The following TBC1D14 variants were observed in gnomAD, a reference collection of about 807,000 sequenced individuals.
TBC1D14 encodes TBC1 domain family, member 14.
Under a neutral mutation model 79.0 loss-of-function variants are expected in TBC1D14, and 26 were observed. The ratio of observed to expected loss-of-function variants is 0.33; its 90% CI spans 0.24 to 0.46. The LOEUF (loss-of-function observed/expected upper bound fraction) is 0.46. Among genes scored for constraint, TBC1D14 ranks in the 20% least tolerant of loss-of-function variants. The pLI is 1.00. For synonymous variants in TBC1D14, 394 were observed against 349.9 expected, an observed-to-expected ratio of 1.13 and a Z score of -1.40; for missense variants, 769 against 887.6, an observed-to-expected ratio of 0.87 and a Z score of 1.70.
At chr4:6,945,926 G>A (rs2108989231) in intron 2 of TBC1D14, among the ~76,000 whole-genome samples, 1 of 152,268 alleles carries the variant, frequency 6.6e-6, no homozygotes. Context: ...TCCCCTCAGA[G>A]ATTGATTTTC....
At chr4:6,911,063 T>C (rs1482688719) in intron 1 of TBC1D14, among the ~76,000 whole-genome samples, 1 of 152,208 alleles carries the variant, frequency 6.6e-6, no homozygotes, top group Non-Finnish European at 1.5e-5. Context: ...TTGCTTTGTC[T>C]GGACCGGGCT....
intron 10 of TBC1D14, 131 bp from the exon 11 acceptor site, chr4:7,010,522 G>A: frequency 4.5e-6 from 5 of 1,114,242 alleles, no homozygotes; most frequent in Admixed American, 6.1e-5. Context: ...GCGTTGGGTG[G>A]CCGGAGGAGT....
intron 2 of TBC1D14, chr4:6,954,278 G>A (rs1215723243): frequency 4.2e-6 from 3 of 717,440 alleles, no homozygotes; most frequent in East Asian, 5.4e-5. Context: ...CCGGCCCCTC[G>A]GAGCTGCGAG....
chr4:7,004,942 A>G lies in TBC1D14; in HGVS notation c.1351+18A>G, dbSNP rs554905122. ...GAACGAAGGTAGAATGTCTTCTAAA[A>G]CCAGCGGACTGCTGTGGTCAATTAT... On this transcript the variant is annotated intron_variant, in intron 8 of 13. Coordinates refer to ENST00000409757, the MANE Select transcript of TBC1D14 (RefSeq NM_020773.3). The G allele has an allele frequency of 1.9e-6, 3 of 1,608,032 alleles. No individual in the cohort carries two copies. The South Asian group carries it at 3.3e-5, about 18-fold the overall frequency.
chr4:6,988,656 G>T (rs1718134589), intron 3 of TBC1D14, among the ~76,000 whole-genome samples: 1 of 152,196 alleles, frequency 6.6e-6, no homozygotes, highest in Admixed American at 6.5e-5. Context: ...ACTGCAGACA[G>T]CGGGGTCGGA....
At chr4:6,931,539 A>G (rs1711734684) in intron 2 of TBC1D14, among the ~76,000 whole-genome samples, 1 of 152,196 alleles carries the variant, frequency 6.6e-6, no homozygotes, top group African/African-American at 2.4e-5. Flanking sequence ...TATGTGCTGG[A>G]CACACACAGG....
At chr4:7,029,694 A>G (rs1015083704) in intron 13 of TBC1D14, among the ~76,000 whole-genome samples, 9 of 152,156 alleles carry the variant, frequency 5.9e-5, no homozygotes, top group Non-Finnish European at 1.0e-4. Flanking sequence ...GCGTGGTGGC[A>G]CACCTCTGTA....
rs1192606574 is a variant in TBC1D14, at chr4:6,923,650, G to A, written c.261G>A (p.Arg87=). 1 of 1,613,932 alleles carries A rather than the reference G, an allele frequency of 6.2e-7. No individual in the cohort carries two copies. Among genetic ancestry groups the A allele is most frequent in the Admixed American group, 1.7e-5 (1 of 60,032 alleles). The change falls in exon 2 of 14, where the codon AGG becomes AGA. Residue 87 remains arginine (R), a synonymous_variant. Transcript: ENST00000409757. ...EPVPCSAVHV[R]RKQSDSDLIP... ...TACCCTGCAGCGCGGTCCACGTGAG[G>A]AGGAAGCAGTCCGACTCCGACCTCA...
At chr4:6,912,932 G>A (rs570378466) in intron 1 of TBC1D14, among the ~76,000 whole-genome samples, 13 of 152,174 alleles carry the variant, frequency 8.5e-5, no homozygotes, top group Non-Finnish European at 1.9e-4. Flanking sequence ...GCCTGCTGCT[G>A]GAACCTGCAT....
chr4:6,965,190 C>CT (rs1715592554), intron 2 of TBC1D14, among the ~76,000 whole-genome samples: 1 of 151,112 alleles, frequency 6.6e-6, no homozygotes, highest in African/African-American at 2.4e-5. Flanking sequence ...GAGTCTCACT[C>CT]TGTCGCCCCC....
chr4:7,025,998 C>A (rs1429856843), intron 13 of TBC1D14, among the ~76,000 whole-genome samples: 2 of 152,184 alleles, frequency 1.3e-5, no homozygotes, highest in Non-Finnish European at 2.9e-5. Flanking sequence ...TCTATGAAGA[C>A]TTTTCCTTTT....
At chr4:6,940,911 A>G (rs1024902099) in intron 2 of TBC1D14, among the ~76,000 whole-genome samples, 50 of 152,204 alleles carry the variant, frequency 3.3e-4, no homozygotes, top group Non-Finnish European at 1.8e-4. Context: ...TATGGCATGA[A>G]TGAACGAATG....
At chr4:6,928,454 G>A (rs1724456926) in intron 2 of TBC1D14, among the ~76,000 whole-genome samples, 1 of 152,198 alleles carries the variant, frequency 6.6e-6, no homozygotes, top group Non-Finnish European at 1.5e-5. Context: ...TTTTTGTACT[G>A]TGTGATCTTG....
chr4:6,923,677 C>T lies in TBC1D14; in HGVS notation c.288C>T (p.Ile96=). ...GGAAGCAGTCCGACTCCGACCTCAT[C>T]CCCGAGCGGGCCTTCCAGAGCGCCT... The part of the protein sequence containing the change: ...VRRKQSDSDL[I]PERAFQSACA... The change falls in exon 2 of 14, where the codon ATC becomes ATT. Residue 96 remains isoleucine, a synonymous_variant. Coordinates refer to ENST00000409757, the MANE Select transcript of TBC1D14 (RefSeq NM_020773.3). 1 of 1,613,828 alleles carries T rather than the reference C, an allele frequency of 6.2e-7. No homozygotes were observed. The highest frequency in any genetic ancestry group is 1.3e-5 in the African/African-American group (1 of 75,082).
chr4:6,975,298 T>C (rs1716621706), intron 3 of TBC1D14, among the ~76,000 whole-genome samples: 1 of 152,126 alleles, frequency 6.6e-6, no homozygotes, highest in Admixed American at 6.5e-5. Context: ...AACATCTGCC[T>C]CCCAGGCTCA....
At chr4:7,001,084 G>T in intron 6 of TBC1D14, 61 bp from the exon 7 acceptor site, 1 of 1,454,700 alleles carries the variant, frequency 6.9e-7, no homozygotes, top group Non-Finnish European at 9.6e-7. Flanking sequence ...GGCTAGGCAC[G>T]CAGGTAGACA....
At chr4:6,914,442 C>T (rs1012786436) in intron 1 of TBC1D14, among the ~76,000 whole-genome samples, 8 of 152,170 alleles carry the variant, frequency 5.3e-5, no homozygotes, top group African/African-American at 1.9e-4. Flanking sequence ...TTATAATGGC[C>T]TTTTCCATTT....
intron 2 of TBC1D14, among the ~76,000 whole-genome samples, chr4:6,939,165 T>C (rs185788387): frequency 1.1e-4 from 16 of 152,302 alleles, no homozygotes; most frequent in African/African-American, 3.1e-4. Flanking sequence ...ACGTGTGAAA[T>C]GCAGAGTTGC....
chr4:7,022,200 G>T (rs1256834211), intron 12 of TBC1D14, among the ~76,000 whole-genome samples: 2 of 152,262 alleles, frequency 1.3e-5, no homozygotes, highest in African/African-American at 4.8e-5. Flanking sequence ...TGGAGCAGGG[G>T]ACAGAAGTGG....
Sources: gnomAD v4.1 joint callset for allele counts (sites outside exome capture counted in the v4.1 genomes callset) on GRCh38, gnomAD v4.1.1 for gene constraint, MANE v1.5 for transcripts, NCBI Gene and HGNC (gene_info 2026-07-23, HGNC 2026-07-21) for gene names.